Variants in TBC1D5 observed in about 807,000 individuals in gnomAD.
TBC1D5 encodes the protein TBC1 domain family, member 5.
Under a neutral mutation model 100.3 loss-of-function variants are expected in TBC1D5, and 75 were observed. The ratio of observed to expected loss-of-function variants is 0.75; its 90% CI spans 0.62 to 0.91. TBC1D5 has a LOEUF of 0.91. TBC1D5 is among the 40% of genes least tolerant of loss of function. The pLI is 0.00. For synonymous variants in TBC1D5, 323 were observed against 325.6 expected, an observed-to-expected ratio of 0.99 and a Z score of 0.09; for missense variants, 910 against 942.4, an observed-to-expected ratio of 0.97 and a Z score of 0.45.
chr3:17,463,012 G>A (rs913908294), intron 3 of TBC1D5, among the ~76,000 whole-genome samples: 1 of 152,136 alleles, frequency 6.6e-6, no homozygotes, highest in African/African-American at 2.4e-5. Context: ...GCAGAAAACA[G>A]CTTTCTTTCC....
intron 16 of TBC1D5, among the ~76,000 whole-genome samples, chr3:17,247,499 G>A (rs994366833): frequency 6.6e-6 from 1 of 152,206 alleles, no homozygotes; most frequent in African/African-American, 2.4e-5. Flanking sequence ...CCTTTAGTGA[G>A]TCTTAAGCTT....
At chr3:17,541,627 C>A (rs186483953) in intron 2 of TBC1D5, among the ~76,000 whole-genome samples, 15 of 152,280 alleles carry the variant, frequency 9.9e-5, no homozygotes, top group Admixed American at 8.5e-4. Flanking sequence ...GACTACATAT[C>A]ATCTGTGAAC....
chr3:17,167,755 T>C, exon 20 of TBC1D5: 2 of 1,613,948 alleles, frequency 1.2e-6, no homozygotes, highest in Non-Finnish European at 8.5e-7. Flanking sequence ...ATACCTGTTT[T>C]AATCCTGCCA....
chr3:17,504,300 G>C (rs1326317325), intron 3 of TBC1D5, among the ~76,000 whole-genome samples: 8 of 41,296 alleles, frequency 1.9e-4, no homozygotes, highest in Non-Finnish European at 4.6e-4. Context: ...AGGGGGGAGG[G>C]GGGAGAGATA....
chr3:17,585,960 G>A (rs1207692223), intron 2 of TBC1D5, among the ~76,000 whole-genome samples: 1 of 152,078 alleles, frequency 6.6e-6, no homozygotes, highest in African/African-American at 2.4e-5. Context: ...TTTAAGAAAT[G>A]GTGGGGGAGT....
chr3:17,729,016 T>TAAAAAAAAA (rs34461809), intron 1 of TBC1D5, among the ~76,000 whole-genome samples: 19 of 29,572 alleles, frequency 6.4e-4, no homozygotes, highest in African/African-American at 1.5e-3. Context: ...TGAAAATCAG[T>TAAAAAAAAA]AAAAAAAAAA....
At chr3:17,265,505 A>G (rs2078755498) in intron 15 of TBC1D5, among the ~76,000 whole-genome samples, 1 of 152,268 alleles carries the variant, frequency 6.6e-6, no homozygotes, top group East Asian at 1.9e-4. Context: ...CCCTTATTTT[A>G]GTGAATATGT....
intron 1 of TBC1D5, among the ~76,000 whole-genome samples, chr3:17,683,149 T>A (rs7619309): frequency 1.1e-4 from 16 of 151,718 alleles, no homozygotes; most frequent in Non-Finnish European, 2.2e-4. Context: ...TATGCACATG[T>A]TAAAATGCTT....
At chr3:17,436,503 T>C (rs2094538522) in intron 3 of TBC1D5, among the ~76,000 whole-genome samples, 1 of 152,176 alleles carries the variant, frequency 6.6e-6, no homozygotes, top group Non-Finnish European at 1.5e-5. Flanking sequence ...TTCTTATCAA[T>C]TAAAGGAGCA....
intron 16 of TBC1D5, among the ~76,000 whole-genome samples, chr3:17,241,743 A>T (rs374234606): frequency 2.0e-5 from 3 of 152,218 alleles, no homozygotes; most frequent in Non-Finnish European, 4.4e-5. Flanking sequence ...AAGCATTACT[A>T]TACAAAGTTA....
chr3:17,253,996 T>C (rs772813702), intron 16 of TBC1D5, among the ~76,000 whole-genome samples: 1 of 152,360 alleles, frequency 6.6e-6, no homozygotes, highest in African/African-American at 2.4e-5. Context: ...GATTTGGCTA[T>C]ATGCAGGTGG....
At chr3:17,563,577 A>AGAG (rs1354272302) in intron 2 of TBC1D5, among the ~76,000 whole-genome samples, 55 of 152,360 alleles carry the variant, frequency 3.6e-4, no homozygotes, top group African/African-American at 1.3e-3. Context: ...ATAAGGTTAT[A>AGAG]GATTCACAAT....
chr3:17,272,292 G>T (rs947315786), intron 15 of TBC1D5, among the ~76,000 whole-genome samples: 5 of 149,570 alleles, frequency 3.3e-5, no homozygotes, highest in Admixed American at 2.6e-4. Flanking sequence ...ATCAACAAAT[G>T]ATACACTGTA....
At position 17,508,748 on chromosome 3, in the gene TBC1D5, G is replaced by A. The variant is rs553533167; in HGVS notation, c.-35-143C>T. 6.3e-5 allele frequency: 24 copies of A among 381,852 alleles called. No individual in the cohort carries two copies. The East Asian group carries it at 9.0e-4, about 14-fold the overall frequency. 23.7% of individuals were successfully genotyped at this position (381,852 alleles called of 1,614,324 possible). On this transcript the variant is annotated intron_variant, in intron 2 of 21. Coordinates refer to ENST00000253692, the Ensembl canonical transcript of TBC1D5. ...GCTCCAGGGACTGTTATCTCACATT[G>A]GTAGGCTTATGCAAAGAAGGGAAAA...
intron 18 of TBC1D5, among the ~76,000 whole-genome samples, chr3:17,195,754 CTTTT>C (rs35636355): frequency 9.0e-5 from 13 of 144,516 alleles, no homozygotes; most frequent in African/African-American, 2.8e-4. Flanking sequence ...ATATTTCTTT[CTTTT>C]TTTTTTTTTT....
chr3:17,413,533 T>C (rs1031088590), intron 4 of TBC1D5, among the ~76,000 whole-genome samples: 6 of 150,468 alleles, frequency 4.0e-5, no homozygotes, highest in Non-Finnish European at 7.4e-5. Context: ...TATTTTAACA[T>C]ATAATTAAAT....
intron 1 of TBC1D5, among the ~76,000 whole-genome samples, chr3:17,717,355 AAAT>A (rs2075327524): frequency 6.6e-6 from 1 of 152,202 alleles, no homozygotes; most frequent in South Asian, 2.1e-4. Context: ...ACATTAACAT[AAAT>A]AATATTTGCG....
chr3:17,421,901 T>A (rs375803076), intron 4 of TBC1D5, among the ~76,000 whole-genome samples: 1 of 152,074 alleles, frequency 6.6e-6, no homozygotes, highest in African/African-American at 2.4e-5. Context: ...CTCAACAACA[T>A]ACAGGCAATA....
intron 13 of TBC1D5, among the ~76,000 whole-genome samples, chr3:17,328,552 A>G (rs2086470879): frequency 6.6e-6 from 1 of 152,164 alleles, no homozygotes; most frequent in South Asian, 2.1e-4. Flanking sequence ...ACTCACTTCT[A>G]ATCACCTAAC....
Sources: allele counts gnomAD v4.1 joint callset (sites outside exome capture counted in the v4.1 genomes callset), GRCh38; gene constraint gnomAD v4.1.1; transcripts MANE v1.5; gene names NCBI Gene and HGNC (gene_info 2026-07-23, HGNC 2026-07-21).